GDF11: variants seen among roughly 807,000 people sequenced by gnomAD.
GDF11 encodes the protein growth differentiation factor 11.
GDF11 carries 12 observed loss-of-function variants against 34.4 expected under a neutral mutation model. The observed-to-expected ratio is 0.35, with a 90% CI of 0.22 to 0.57. The LOEUF (loss-of-function observed/expected upper bound fraction) is 0.57, where lower values mean the gene tolerates loss of function less well. Among genes scored for constraint, GDF11 ranks in the 20% least tolerant of loss-of-function variants. The pLI is 0.86. For synonymous variants in GDF11, 212 were observed against 231.1 expected, an observed-to-expected ratio of 0.92 and a Z score of 0.75; for missense variants, 346 against 548.2, an observed-to-expected ratio of 0.63 and a Z score of 3.68.
At position 55,754,265 on chromosome 12, in the gene GDF11, C is replaced by T. The variant is rs1221693929; in HGVS notation, c.*4383C>T. 6.6e-6 allele frequency: 1 copy of T among 152,232 alleles called. No homozygotes were observed. The highest frequency in any genetic ancestry group is 6.5e-5 in the Admixed American group (1 of 15,292). The allele number at this position is 152,232 out of a possible 1,614,324, so 9.4% of individuals were successfully genotyped here. ...ATTTGTTTCCTATATTGAGAGAACA[C>T]CCAAAAAAAGACTACTCAAGATGAC... On this transcript the variant is annotated 3_prime_UTR_variant, in exon 3 of 3. Coordinates refer to ENST00000257868, the MANE Select transcript of GDF11 (RefSeq NM_005811.5).
At chr12:55,744,103 G>A (rs1054780110) in intron 1 of GDF11, among the ~76,000 whole-genome samples, 1 of 152,194 alleles carries the variant, frequency 6.6e-6, no homozygotes, top group East Asian at 1.9e-4. Context: ...TGGTGGGGAG[G>A]CTGGAGAACA....
intron 1 of GDF11, among the ~76,000 whole-genome samples, chr12:55,746,256 T>C (rs1878184253): frequency 6.6e-6 from 1 of 152,074 alleles, no homozygotes; most frequent in Non-Finnish European, 1.5e-5. Flanking sequence ...TTTCTATCCT[T>C]TCTCTCCTTT....
intron 1 of GDF11, among the ~76,000 whole-genome samples, chr12:55,747,742 G>C (rs1036383427): frequency 6.6e-6 from 1 of 152,232 alleles, no homozygotes; most frequent in Non-Finnish European, 1.5e-5. Context: ...ACTTTGTAAA[G>C]ACCTACTGGC....
intron 1 of GDF11, among the ~76,000 whole-genome samples, chr12:55,747,800 T>C (rs1357880914): frequency 6.6e-6 from 1 of 152,192 alleles, no homozygotes; most frequent in African/African-American, 2.4e-5. Flanking sequence ...AAAGGCATTG[T>C]AGTTAATCTG....
rs1247898141 is a variant in GDF11, at chr12:55,754,101, C to T, written c.*4219C>T. ...GTTCTATCAGCACACTGACCCCACT[C>T]GAGACCAACTACAAGACTAAGGCTG... On this transcript the variant is annotated 3_prime_UTR_variant, in exon 3 of 3. Transcript: ENST00000257868. 1 of 152,240 alleles carries T rather than the reference C, an allele frequency of 6.6e-6. No homozygotes were observed. The highest frequency in any genetic ancestry group is 1.5e-5 in the Non-Finnish European group (1 of 68,056). The allele number at this position is 152,240 out of a possible 1,614,324, so 9.4% of individuals were successfully genotyped here. A position where few individuals can be genotyped will look rare whatever the true frequency, so the allele number is the denominator to read the frequency against.
chr12:55,745,167 AAC>A (rs1298879871), intron 1 of GDF11, among the ~76,000 whole-genome samples: 1 of 152,060 alleles, frequency 6.6e-6, no homozygotes, highest in Non-Finnish European at 1.5e-5. Flanking sequence ...GTTTCTAGGA[AAC>A]AGAGTTATAG....
rs1565667093 is a variant in GDF11, at chr12:55,752,390, G to GGC, written c.*2508_*2509insGC. 8.1e-6 allele frequency: 1 copy of GGC among 123,342 alleles called. No individual in the cohort carries two copies. The highest frequency in any genetic ancestry group is 8.2e-5 in the Admixed American group (1 of 12,146). The allele number at this position is 123,342 out of a possible 1,614,324, so 7.6% of individuals were successfully genotyped here. ...TGTGTGTGTGGTGGGTGGGGGGGGG[G>GGC]CAGGGGTCTTTCTCTTATGAACATA... On this transcript the variant is annotated 3_prime_UTR_variant, in exon 3 of 3. Transcript: ENST00000257868.
Position 55,743,911 on chromosome 12 carries a change from A to T in GDF11, c.445+150A>T, listed in dbSNP as rs569424099. On this transcript the variant is annotated intron_variant, in intron 1 of 2. Transcript: ENST00000257868. ...AATTAGGGAGCGGGGGCTACTTCAT[A>T]GAAGTTTTCCGAGCGGTGGAGATGG... 6 of 642,170 alleles carry T rather than the reference A, an allele frequency of 9.3e-6. No homozygotes were observed. In the South Asian group the frequency reaches 1.3e-4, roughly 13 times the overall value. The allele number at this position is 642,170 out of a possible 1,614,324, so 39.8% of individuals were successfully genotyped here.
chr12:55,745,626 C>G (rs1204163591), intron 1 of GDF11, among the ~76,000 whole-genome samples: 1 of 151,742 alleles, frequency 6.6e-6, no homozygotes. Flanking sequence ...GAAAAAGAGA[C>G]TTTTATAGTC....
Position 55,749,046 on chromosome 12 carries a change from T to A in GDF11, c.843+63T>A. 6.9e-7 allele frequency: 1 copy of A among 1,449,512 alleles called. No homozygotes were observed. The highest frequency in any genetic ancestry group is 9.2e-7 in the Non-Finnish European group (1 of 1,087,756). 89.8% of individuals were successfully genotyped at this position (1,449,512 alleles called of 1,614,324 possible). Reference sequence around the variant, plus strand: ...TGGCCCTGAGGAGATAGGGTTACATTGGAAAAGGTAGACAAGGAATGTGAA... The same window carrying A: ...TGGCCCTGAGGAGATAGGGTTACATAGGAAAAGGTAGACAAGGAATGTGAA... On this transcript the variant is annotated intron_variant, in intron 2 of 2. Transcript: ENST00000257868. This position sits in a 1 kb window ranked among gnomAD's most constrained non-coding sequence, Gnocchi z 5.6.
rs1225948445 is a variant in GDF11 at position 55,750,855 on chromosome 12, T to G, written c.*973T>G. On this transcript the variant is annotated 3_prime_UTR_variant, in exon 3 of 3. Transcript: ENST00000257868. The stretch of plus-strand genomic sequence containing the variant: ...GTCCACCCTCATGATGCTGAGTTAT[T>G]TAGCCAGAGGGTGCAGCCTGCTTAT... The G allele has an allele frequency of 1.3e-5, 2 of 152,168 alleles. No individual in the cohort carries two copies. The highest frequency in any genetic ancestry group is 2.9e-5 in the Non-Finnish European group (2 of 68,054). 9.4% of individuals were successfully genotyped at this position (152,168 alleles called of 1,614,324 possible). A position where few individuals can be genotyped will look rare whatever the true frequency, so the allele number is the denominator to read the frequency against.
Position 55,749,470 on chromosome 12 carries a change from T to C in GDF11, c.844-32T>C. 6.3e-7 allele frequency: 1 copy of C among 1,580,052 alleles called. No homozygotes were observed. Among genetic ancestry groups the C allele is most frequent in the Non-Finnish European group, 8.6e-7 (1 of 1,160,492 alleles). On this transcript the variant is annotated intron_variant, in intron 2 of 2. Transcript: ENST00000257868. This position sits in a 1 kb window ranked among gnomAD's most constrained non-coding sequence, Gnocchi z 5.6. The stretch of plus-strand genomic sequence containing the variant: ...GGAAGAGGAACTGTTCAGGACCATA[T>C]CACATTTCTTTCCCCTCTCCCTGAC...
At chr12:55,746,815 T>C (rs1174343292) in intron 1 of GDF11, among the ~76,000 whole-genome samples, 1 of 152,248 alleles carries the variant, frequency 6.6e-6, no homozygotes, top group African/African-American at 2.4e-5. Flanking sequence ...TGAGTAAGGT[T>C]AGATAGTGGT....
intron 1 of GDF11, among the ~76,000 whole-genome samples, chr12:55,747,737 G>T (rs998784582): frequency 2.0e-5 from 3 of 152,214 alleles, no homozygotes. Flanking sequence ...TTCAAACTTT[G>T]TAAAGACCTA....
Position 55,748,805 on chromosome 12 carries a change from G to A in GDF11, c.665G>A (p.Arg222His), listed in dbSNP as rs1177150502. ...GGGGRRHIRI[R>H]SLKIELHSRS... ...GGAGGCCGGCGTCACATCCGTATCC[G>A]CTCACTGAAGATTGAGCTGCACTCA... The change falls in exon 2 of 3, where the codon CGC (arginine) becomes CAC (histidine). Residue 222 changes from arginine to histidine, a missense_variant. Coordinates refer to ENST00000257868, the MANE Select transcript of GDF11 (RefSeq NM_005811.5). The surrounding 1 kb of genome is among the most constrained non-coding windows in gnomAD (Gnocchi z 5.6). The A allele has an allele frequency of 3.1e-6, 5 of 1,614,078 alleles. No individual in the cohort carries two copies. Among genetic ancestry groups the A allele is most frequent in the Non-Finnish European group, 4.2e-6 (5 of 1,180,010 alleles).
chr12:55,749,123 G>A lies in GDF11; in HGVS notation c.843+140G>A. 2.4e-6 allele frequency: 2 copies of A among 832,836 alleles called. No individual in the cohort carries two copies. The highest frequency in any genetic ancestry group is 2.7e-5 in the East Asian group (1 of 37,302). 51.6% of individuals were successfully genotyped at this position (832,836 alleles called of 1,614,324 possible). Reference sequence around the variant, plus strand: ...CTGGGGTCAGCAGCTGATTCTAGAGGAGGAGGTGAGGAGTGGGGTGGCAAC... The same window carrying A: ...CTGGGGTCAGCAGCTGATTCTAGAGAAGGAGGTGAGGAGTGGGGTGGCAAC... On this transcript the variant is annotated intron_variant, in intron 2 of 2. Transcript: ENST00000257868. The surrounding 1 kb of genome is among the most constrained non-coding windows in gnomAD (Gnocchi z 5.6).
chr12:55,743,765 A>G lies in GDF11; in HGVS notation c.445+4A>G. On this transcript the variant is annotated splice_donor_region_variant and intron_variant, in intron 1 of 2. Coordinates refer to ENST00000257868, the MANE Select transcript of GDF11 (RefSeq NM_005811.5). ...GTCATTAGCATGGCCCAGGAGAGTA[A>G]GTGGGCTGCGGGGCGCGAGCAGTGG... 6.5e-7 allele frequency: 1 copy of G among 1,533,860 alleles called. No individual in the cohort carries two copies. The highest frequency in any genetic ancestry group is 8.8e-7 in the Non-Finnish European group (1 of 1,140,908).
chr12:55,748,763 CCGCAGGGGGAGGGGG>C lies in GDF11; in HGVS notation c.626_640del (p.Ala209_Gly213del). 1 of 1,614,252 alleles carries C rather than the reference CCGCAGGGGGAGGGGG, an allele frequency of 6.2e-7. No individual in the cohort carries two copies. Among genetic ancestry groups the C allele is most frequent in the Non-Finnish European group, 8.5e-7 (1 of 1,180,048 alleles). ...CTAAAACCCCTAACTGGGGAAGGGA[CCGCAGGGGGAGGGGG>C]CGGAGGCCGGCGTCACATCCGTATC... On this transcript the variant is annotated inframe_deletion, in exon 2 of 3. Coordinates refer to ENST00000257868, the MANE Select transcript of GDF11 (RefSeq NM_005811.5). This position sits in a 1 kb window ranked among gnomAD's most constrained non-coding sequence, Gnocchi z 5.6.
Position 55,755,419 on chromosome 12 carries a change from T to TC in GDF11, c.*5541dup, listed in dbSNP as rs1026943034. The TC allele has an allele frequency of 6.6e-6, 1 of 152,190 alleles. No individual in the cohort carries two copies. The highest frequency in any genetic ancestry group is 1.5e-5 in the Non-Finnish European group (1 of 68,038). 9.4% of individuals were successfully genotyped at this position (152,190 alleles called of 1,614,324 possible). Reference sequence around the variant, plus strand: ...GATTTACAGCTGAGGAAGCTAGTTCTCCCCACAGCTTTTATAGACTCCCTC... The same window carrying TC: ...GATTTACAGCTGAGGAAGCTAGTTCTCCCCCACAGCTTTTATAGACTCCCTC... On this transcript the variant is annotated 3_prime_UTR_variant, in exon 3 of 3. Coordinates refer to ENST00000257868, the MANE Select transcript of GDF11 (RefSeq NM_005811.5).
Sources: gnomAD v4.1 joint callset for allele counts (sites outside exome capture counted in the v4.1 genomes callset) on GRCh38, gnomAD v4.1.1 for gene constraint, Gnocchi (gnomAD v3.1) non-coding constraint, MANE v1.5 for transcripts, NCBI Gene and HGNC (gene_info 2026-07-23, HGNC 2026-07-21) for gene names.